Variants in MAML2 observed in about 807,000 individuals in gnomAD.
The protein encoded by MAML2 is mastermind like transcriptional coactivator 2, also known as mastermind-like protein 2.
Under a neutral mutation model 96.1 loss-of-function variants are expected in MAML2, and 22 were observed. The ratio of observed to expected loss-of-function variants is 0.23; its 90% CI spans 0.16 to 0.33. The LOEUF (loss-of-function observed/expected upper bound fraction) is 0.33. Among genes scored for constraint, MAML2 ranks in the 10% least tolerant of loss-of-function variants. The pLI, the probability that MAML2 is intolerant of heterozygous loss-of-function variation, is 1.00. For missense variants in MAML2, 1,367 were observed against 1,392.4 expected (o/e 0.98, Z 0.29); for synonymous variants, 561 against 521.3 (o/e 1.08, Z -1.04).
At chr11:96,050,693 G>A (rs978415451) in intron 2 of MAML2, among the ~76,000 whole-genome samples, 1 of 152,194 alleles carries the variant, frequency 6.6e-6, no homozygotes, top group Non-Finnish European at 1.5e-5. Context: ...AATACCTGCT[G>A]GCTATGCTTT....
In MAML2 at chr11:96,092,754, C is replaced by G. The variant is rs754110836; in HGVS notation, c.1277G>C (p.Ser426Thr). Residue 426 changes from serine (S) to threonine (T), a missense_variant, in exon 2 of 5, where the codon AGC (serine) becomes ACC (threonine). Transcript: ENST00000524717. The surrounding 1 kb of genome is among the most constrained non-coding windows in gnomAD (Gnocchi z 4.1). ...CTGGGCATGGGATACTTCCTGCCAG[C>G]TTGGCAAGGCCCGGCTTGCTCCGGA... ...TGSGASRALP[S>T]WQEVSHAQQL... The G allele has an allele frequency of 6.2e-7, 1 of 1,613,772 alleles. No individual in the cohort carries two copies. Among genetic ancestry groups the G allele is most frequent in the Non-Finnish European group, 8.5e-7 (1 of 1,179,764 alleles).
chr11:95,992,800 T>C (rs779331910), intron 2 of MAML2, among the ~76,000 whole-genome samples: 4 of 152,160 alleles, frequency 2.6e-5, no homozygotes, highest in Non-Finnish European at 5.9e-5. Flanking sequence ...GGGTACCTCC[T>C]TAGGTTATTC....
At chr11:96,323,402 A>G (rs1256716818) in intron 1 of MAML2, among the ~76,000 whole-genome samples, 1 of 151,976 alleles carries the variant, frequency 6.6e-6, no homozygotes, top group Non-Finnish European at 1.5e-5. Context: ...ATTTCCATGT[A>G]AGAGGTGCTT....
rs77903920 is a variant in MAML2 at position 96,164,435 on chromosome 11, A to T, written c.514-70918T>A. 4.6e-5 allele frequency among the ~76,000 whole-genome samples: 7 copies of T among 152,134 alleles called. No individual in the cohort carries two copies. The East Asian group carries it at 1.3e-3, about 29-fold the overall frequency. On this transcript the variant is annotated intron_variant, in intron 1 of 4. Coordinates refer to ENST00000524717, the MANE Select transcript of MAML2 (RefSeq NM_032427.4). ...GGGCCTGTCCTTTTTTCCCTATCACACAGTGTAGTAACAGAGTCCTATGGC... is the reference window on the plus strand; with the variant it reads ...GGGCCTGTCCTTTTTTCCCTATCACTCAGTGTAGTAACAGAGTCCTATGGC...
At chr11:96,018,814 C>G (rs1858394066) in intron 2 of MAML2, among the ~76,000 whole-genome samples, 1 of 152,172 alleles carries the variant, frequency 6.6e-6, no homozygotes, top group Non-Finnish European at 1.5e-5. Context: ...GTCTTGAACT[C>G]CTGACCTCAA....
At chr11:96,273,902 C>A (rs1862947455) in intron 1 of MAML2, among the ~76,000 whole-genome samples, 1 of 152,072 alleles carries the variant, frequency 6.6e-6, no homozygotes, top group Non-Finnish European at 1.5e-5. Context: ...TTACTAAACT[C>A]TTTGGATTGT....
At chr11:96,094,331 A>C (rs1859788711) in intron 1 of MAML2, among the ~76,000 whole-genome samples, 1 of 152,232 alleles carries the variant, frequency 6.6e-6, no homozygotes, top group Admixed American at 6.5e-5. Context: ...ACTGGGTGCT[A>C]TGTGACCTCA....
intron 1 of MAML2, among the ~76,000 whole-genome samples, chr11:96,326,808 A>C (rs1863792478): frequency 1.3e-5 from 2 of 152,068 alleles, no homozygotes; most frequent in Non-Finnish European, 2.9e-5. Context: ...AAAAAAAACT[A>C]TCTTGAGTTT....
intron 1 of MAML2, among the ~76,000 whole-genome samples, chr11:96,110,644 AGGTATTC>A (rs1226630595): frequency 6.6e-6 from 1 of 152,242 alleles, no homozygotes; most frequent in East Asian, 1.9e-4. Context: ...TGTTGCATTC[AGGTATTC>A]TTTTGGTTGG....
intron 2 of MAML2, among the ~76,000 whole-genome samples, chr11:95,998,170 G>GTC (rs1380202666): frequency 3.7e-5 from 3 of 81,910 alleles, no homozygotes; most frequent in Non-Finnish European, 6.2e-5. Context: ...CTGTCTGTCT[G>GTC]TCTGTCTATC....
At chr11:96,339,894 G>A (rs1863969041) in intron 1 of MAML2, among the ~76,000 whole-genome samples, 1 of 152,154 alleles carries the variant, frequency 6.6e-6, no homozygotes, top group African/African-American at 2.4e-5. Context: ...AGAGCAGGTG[G>A]TAGAAAAAGG....
chr11:96,292,516 C>G lies in MAML2; in HGVS notation c.513+48867G>C, dbSNP rs146789509. On this transcript the variant is annotated intron_variant, in intron 1 of 4. Coordinates refer to ENST00000524717, the MANE Select transcript of MAML2 (RefSeq NM_032427.4). ...CAAGAAGTTAATTCATCTTGCCCAA[C>G]CTTAAAATTATTAAAGTCAAGCAGT... Among the ~76,000 whole-genome samples, 325 of 152,308 alleles carry G rather than the reference C, an allele frequency of 2.1e-3. 2 individuals are homozygous for G. Among genetic ancestry groups the G allele is most frequent in the African/African-American group, 7.7e-3 (320 of 41,572 alleles).
intron 1 of MAML2, among the ~76,000 whole-genome samples, chr11:96,159,331 G>A (rs1861063005): frequency 6.6e-6 from 1 of 151,030 alleles, no homozygotes; most frequent in Admixed American, 6.6e-5. Context: ...CTTTCCAGGC[G>A]GATTTGTTGT....
intron 1 of MAML2, among the ~76,000 whole-genome samples, chr11:96,152,054 C>T (rs994364358): frequency 9.9e-5 from 15 of 152,150 alleles, no homozygotes; most frequent in African/African-American, 3.6e-4. Context: ...GAGATCTCAT[C>T]TCTACTATTA....
At chr11:96,011,621 G>A (rs1052640484) in intron 2 of MAML2, among the ~76,000 whole-genome samples, 2 of 152,146 alleles carry the variant, frequency 1.3e-5, no homozygotes, top group Non-Finnish European at 2.9e-5. Context: ...TGGGTACTAT[G>A]TTCACTATTT....
chr11:96,005,833 T>C (rs545828292), intron 2 of MAML2, among the ~76,000 whole-genome samples: 3 of 152,330 alleles, frequency 2.0e-5, no homozygotes, highest in East Asian at 1.9e-4. Flanking sequence ...TTGCCACAGA[T>C]AATTTTTATG....
intron 2 of MAML2, among the ~76,000 whole-genome samples, chr11:96,022,189 A>C (rs765925530): frequency 6.6e-6 from 1 of 152,146 alleles, no homozygotes; most frequent in Non-Finnish European, 1.5e-5. Context: ...GTTGAATTTC[A>C]TTTTGCTCAT....
intron 2 of MAML2, among the ~76,000 whole-genome samples, chr11:96,042,857 G>A (rs1240969736): frequency 6.8e-6 from 1 of 147,614 alleles, no homozygotes; most frequent in Non-Finnish European, 1.5e-5. Flanking sequence ...CAATTCTCCT[G>A]CTTCAGCCTC....
chr11:96,056,502 GTAGCA>G (rs904545009), intron 2 of MAML2, among the ~76,000 whole-genome samples: 5 of 150,974 alleles, frequency 3.3e-5, no homozygotes, highest in Admixed American at 1.3e-4. Flanking sequence ...TTCTTTATGT[GTAGCA>G]TCATGCACAT....
Sources: gnomAD v4.1 joint callset for allele counts (sites outside exome capture counted in the v4.1 genomes callset) on GRCh38, gnomAD v4.1.1 for gene constraint, Gnocchi (gnomAD v3.1) non-coding constraint, MANE v1.5 for transcripts, NCBI Gene and HGNC (gene_info 2026-07-23, HGNC 2026-07-21) for gene names.